Variants in FAM131A observed in about 807,000 individuals in gnomAD.
FAM131A encodes the protein protein FAM131A.
A neutral mutation model predicts 39.2 loss-of-function variants in FAM131A; 24 were observed. The observed-to-expected ratio is 0.61, with a 90% confidence interval of 0.44 to 0.86. The LOEUF (loss-of-function observed/expected upper bound fraction) is 0.86, where lower values mean the gene tolerates loss of function less well. FAM131A is among the 40% of genes least tolerant of loss of function. The pLI is 0.00. For synonymous variants in FAM131A, 202 were observed against 206.8 expected, an observed-to-expected ratio of 0.98 and a Z score of 0.20; for missense variants, 373 against 481.2, an observed-to-expected ratio of 0.78 and a Z score of 2.10.
rs563354403 is a variant in FAM131A at position 184,338,312 on chromosome 3, C to T, written c.89-75C>T. The T allele has an allele frequency of 1.9e-5, 26 of 1,381,918 alleles. No individual in the cohort carries two copies. In the Admixed American group the frequency reaches 4.9e-4, roughly 26 times the overall value. The allele number at this position is 1,381,918 out of a possible 1,614,324, so 85.6% of individuals were successfully genotyped here. A position where few individuals can be genotyped will look rare whatever the true frequency, so the allele number is the denominator to read the frequency against. ...GTGGGGGAGGGGCCGAGAAATGATA[C>T]GGCAATACTGGATGAAAATGGGGAT... On this transcript the variant is annotated intron_variant, in intron 1 of 5. Transcript: ENST00000383847.
chr3:184,344,366 G>C, intron 5 of FAM131A, 129 bp from the exon 6 acceptor site: 1 of 840,894 alleles, frequency 1.2e-6, no homozygotes, highest in Non-Finnish European at 1.9e-6. Context: ...GTTGTGACTG[G>C]TTCAAGGTTA....
At chr3:184,338,688 G>C (rs1437410207) in intron 2 of FAM131A, 159 bp downstream of exon 2, 1 of 876,838 alleles carries the variant, frequency 1.1e-6, no homozygotes, top group Non-Finnish European at 1.7e-6. Context: ...GTGCCGGTCT[G>C]CTCTGCTCGG....
chr3:184,341,121 CA>C, intron 2 of FAM131A: 1 of 156,472 alleles, frequency 6.4e-6, no homozygotes, highest in South Asian at 1.9e-4. Flanking sequence ...AGGGACTTTG[CA>C]GGTGGAATCA....
Position 184,345,481 on chromosome 3 carries a change from G to C in FAM131A, c.*511G>C, listed in dbSNP as rs1329390110. 1.4e-6 allele frequency: 1 copy of C among 702,222 alleles called. No homozygotes were observed. Among genetic ancestry groups the C allele is most frequent in the Non-Finnish European group, 2.6e-6 (1 of 384,802 alleles). 43.5% of individuals were successfully genotyped at this position (702,222 alleles called of 1,614,324 possible). ...CCTCCCGGAGCCTATGGGTTGAGCC[G>C]TCCCTCAAGGGCCCCTGCCCAGCTG... On this transcript the variant is annotated 3_prime_UTR_variant, in exon 6 of 6. Coordinates refer to ENST00000383847, the MANE Select transcript of FAM131A (RefSeq NM_144635.5).
rs751585048 is a variant in FAM131A at position 184,344,630 on chromosome 3, G to A, written c.761G>A (p.Cys254Tyr). 2 of 1,613,030 alleles carry A rather than the reference G, an allele frequency of 1.2e-6. No individual in the cohort carries two copies. Among genetic ancestry groups the A allele is most frequent in the South Asian group, 1.1e-5 (1 of 91,068 alleles). Residue 254 changes from cysteine to tyrosine, a missense_variant, in exon 6 of 6, where the codon TGC becomes TAC. Coordinates refer to ENST00000383847, the MANE Select transcript of FAM131A (RefSeq NM_144635.5). Reference sequence around the variant, plus strand: ...CAGACCGTGTCCCCAGACACCCTGTGCTCTAGTCTGTGCAGCCTGGAGGAT... The same window carrying A: ...CAGACCGTGTCCCCAGACACCCTGTACTCTAGTCTGTGCAGCCTGGAGGAT... ...CSQTVSPDTLCSSLCSLEDGL... is the reference protein window; with the variant it reads ...CSQTVSPDTLYSSLCSLEDGL...
chr3:184,337,534 G>A, upstream of FAM131A: 1 of 1,077,484 alleles, frequency 9.3e-7, no homozygotes, highest in Non-Finnish European at 1.4e-6. Flanking sequence ...AATGGGGAGG[G>A]GACTGGCTCA....
At chr3:184,343,730 C>T (rs979383605) in intron 5 of FAM131A, among the ~76,000 whole-genome samples, 17 of 152,208 alleles carry the variant, frequency 1.1e-4, no homozygotes, top group Non-Finnish European at 2.1e-4. Flanking sequence ...CTACTTTGAC[C>T]CCTGGGGTAA....
rs368029423 is a variant in FAM131A, at chr3:184,345,004, C to T, written c.*34C>T. On this transcript the variant is annotated 3_prime_UTR_variant, in exon 6 of 6. Coordinates refer to ENST00000383847, the MANE Select transcript of FAM131A (RefSeq NM_144635.5). ...ATGCCTGGCAGTGGCATGCATCCCC[C>T]GGCTGCTGCCAGGGGCAGAGCCTCT... 27 of 1,463,172 alleles carry T rather than the reference C, an allele frequency of 1.8e-5. No homozygotes were observed. The Middle Eastern group carries it at 7.1e-4, about 38-fold the overall frequency. 90.6% of individuals were successfully genotyped at this position (1,463,172 alleles called of 1,614,324 possible). A position where few individuals can be genotyped will look rare whatever the true frequency, so the allele number is the denominator to read the frequency against.
Position 184,342,050 on chromosome 3 carries a change from C to T in FAM131A, c.326-16C>T. Reference sequence around the variant, plus strand: ...CTGGTCCTTTACCAGGCTTCTCCACCCTCCCCTATCTCCAGGTATTTCCCA... The same window carrying T: ...CTGGTCCTTTACCAGGCTTCTCCACTCTCCCCTATCTCCAGGTATTTCCCA... On this transcript the variant is annotated splice_polypyrimidine_tract_variant and intron_variant, in intron 3 of 5. Coordinates refer to ENST00000383847, the MANE Select transcript of FAM131A (RefSeq NM_144635.5). This position sits in a 1 kb window ranked among gnomAD's most constrained non-coding sequence, Gnocchi z 4.6. 1 of 1,614,234 alleles carries T rather than the reference C, an allele frequency of 6.2e-7. No individual in the cohort carries two copies. The highest frequency in any genetic ancestry group is 8.5e-7 in the Non-Finnish European group (1 of 1,180,032).
rs1292782290 is a variant in FAM131A at position 184,344,595 on chromosome 3, C to T, written c.726C>T (p.Ser242=). 2.9e-5 allele frequency: 46 copies of T among 1,612,068 alleles called. No homozygotes were observed. Among genetic ancestry groups the T allele is most frequent in the East Asian group, 4.5e-5 (2 of 44,858 alleles). ...PVRQGSVEPE[S]DCSQTVSPDT... is the part of the protein sequence containing the mutation. Reference sequence around the variant, plus strand: ...GCCAGGGCTCCGTGGAGCCTGAGAGCGACTGCTCACAGACCGTGTCCCCAG... The same window carrying T: ...GCCAGGGCTCCGTGGAGCCTGAGAGTGACTGCTCACAGACCGTGTCCCCAG... Residue 242 remains serine (S), a synonymous_variant, in exon 6 of 6, where the codon AGC becomes AGT. Coordinates refer to ENST00000383847, the MANE Select transcript of FAM131A (RefSeq NM_144635.5).
In FAM131A at chr3:184,342,733, C is replaced by T; in HGVS notation, c.509-11C>T. ...CACCTTCTCTGCTTATGCATTCTGT[C>T]CCTGCGACAGGAGTGGCTGAGCAGT... is the stretch of plus-strand genomic sequence containing the variant. On this transcript the variant is annotated splice_polypyrimidine_tract_variant and intron_variant, in intron 4 of 5. Coordinates refer to ENST00000383847, the MANE Select transcript of FAM131A (RefSeq NM_144635.5). This position sits in a 1 kb window ranked among gnomAD's most constrained non-coding sequence, Gnocchi z 4.6. The T allele has an allele frequency of 1.2e-6, 2 of 1,610,880 alleles. No homozygotes were observed. Among genetic ancestry groups the T allele is most frequent in the Non-Finnish European group, 8.5e-7 (1 of 1,177,640 alleles).
chr3:184,337,396 T>C, upstream of FAM131A: 1 of 525,510 alleles, frequency 1.9e-6, no homozygotes, highest in Non-Finnish European at 3.4e-6. Context: ...ACATTGCCTG[T>C]TGGCACTGTC....
Position 184,342,053 on chromosome 3 carries a change from C to G in FAM131A, c.326-13C>G. 6.2e-7 allele frequency: 1 copy of G among 1,614,236 alleles called. No homozygotes were observed. Among genetic ancestry groups the G allele is most frequent in the Non-Finnish European group, 8.5e-7 (1 of 1,180,036 alleles). ...GTCCTTTACCAGGCTTCTCCACCCT[C>G]CCCTATCTCCAGGTATTTCCCAGGT... is the stretch of plus-strand genomic sequence containing the variant. On this transcript the variant is annotated splice_polypyrimidine_tract_variant and intron_variant, in intron 3 of 5. Transcript: ENST00000383847. This position sits in a 1 kb window ranked among gnomAD's most constrained non-coding sequence, Gnocchi z 4.6.
intron 5 of FAM131A, 48 bp from the exon 6 acceptor site, chr3:184,344,447 G>C: frequency 6.7e-7 from 1 of 1,497,024 alleles, no homozygotes; most frequent in Non-Finnish European, 8.9e-7. Context: ...AGGTTGTCCA[G>C]TTGAAATGGA....
In FAM131A at chr3:184,345,192, G is replaced by C. The variant is rs1727583952; in HGVS notation, c.*222G>C. On this transcript the variant is annotated 3_prime_UTR_variant, in exon 6 of 6. Transcript: ENST00000383847. ...TGCCCCCACTCCCGGGGCTTGCCGG[G>C]GGTTGCCCGGGGCCTCTGGGGCATG... The C allele has an allele frequency of 1.7e-6, 1 of 584,652 alleles. No individual in the cohort carries two copies. 36.2% of individuals were successfully genotyped at this position (584,652 alleles called of 1,614,324 possible).
Position 184,338,456 on chromosome 3 carries a change from G to A in FAM131A, c.158G>A (p.Gly53Glu). 6.5e-7 allele frequency: 1 copy of A among 1,529,684 alleles called. No individual in the cohort carries two copies. Among genetic ancestry groups the A allele is most frequent in the Non-Finnish European group, 8.7e-7 (1 of 1,143,704 alleles). 94.8% of individuals were successfully genotyped at this position (1,529,684 alleles called of 1,614,324 possible). A position where few individuals can be genotyped will look rare whatever the true frequency, so the allele number is the denominator to read the frequency against. Reference sequence around the variant, plus strand: ...CGGGGTCTCTCTCTATCCTCTTTGGGATCTGCTCGAACCCTCCGAGGCTGG... The same window carrying A: ...CGGGGTCTCTCTCTATCCTCTTTGGAATCTGCTCGAACCCTCCGAGGCTGG... ...LPRGLSLSSLGSARTLRGWSR... is the reference protein window; with the variant it reads ...LPRGLSLSSLESARTLRGWSR... Residue 53 changes from glycine to glutamate, a missense_variant, in exon 2 of 6, where the codon GGA becomes GAA. By Grantham distance (98) the Gly-to-Glu change is moderately conservative (BLOSUM62 -2). Transcript: ENST00000383847.
At position 184,345,304 on chromosome 3, in the gene FAM131A, G is replaced by C. The variant is rs1727591597; in HGVS notation, c.*334G>C. The stretch of plus-strand genomic sequence containing the variant: ...TCGGATAATGTGAACCACTAAGGGG[G>C]TTGTGACTGGGCTGTGTGAGGGTGG... On this transcript the variant is annotated 3_prime_UTR_variant, in exon 6 of 6. Transcript: ENST00000383847. 1.9e-6 allele frequency: 1 copy of C among 522,824 alleles called. No individual in the cohort carries two copies. The highest frequency in any genetic ancestry group is 2.2e-5 in the South Asian group (1 of 46,086). 32.4% of individuals were successfully genotyped at this position (522,824 alleles called of 1,614,324 possible).
At chr3:184,337,518 G>A, upstream of FAM131A, 1 of 912,198 alleles carries the variant, frequency 1.1e-6, no homozygotes, top group Non-Finnish European at 1.7e-6. Flanking sequence ...CTAGGCACAG[G>A]TTCCAAATGG....
At chr3:184,343,993 C>T (rs1012966474) in intron 5 of FAM131A, among the ~76,000 whole-genome samples, 3 of 151,008 alleles carry the variant, frequency 2.0e-5, no homozygotes, top group Non-Finnish European at 4.4e-5. Context: ...GTGTGCCAGA[C>T]TTTTTTTTTG....
Sources: gnomAD v4.1 joint callset for allele counts (sites outside exome capture counted in the v4.1 genomes callset) on GRCh38, gnomAD v4.1.1 for gene constraint, Gnocchi (gnomAD v3.1) non-coding constraint, MANE v1.5 for transcripts, NCBI Gene and HGNC (gene_info 2026-07-23, HGNC 2026-07-21) for gene names.